FAM193A: variants seen among roughly 807,000 people sequenced by gnomAD.
The protein encoded by FAM193A is family with sequence similarity 193 member A.
A neutral mutation model predicts 126.5 loss-of-function variants in FAM193A; 22 were observed. That is an observed-to-expected ratio of 0.17 (90% CI 0.12 to 0.25). FAM193A has a LOEUF of 0.25. FAM193A is among the 10% of genes least tolerant of loss of function. FAM193A has a pLI of 1.00. For synonymous variants in FAM193A, 761 were observed against 646.8 expected, an observed-to-expected ratio of 1.18 and a Z score of -2.68; for missense variants, 1,675 against 1,672.8, an observed-to-expected ratio of 1.00 and a Z score of -0.02.
At chr4:2,539,451 C>T (rs1481135610) in intron 1 of FAM193A, among the ~76,000 whole-genome samples, 2 of 152,114 alleles carry the variant, frequency 1.3e-5, no homozygotes, top group Non-Finnish European at 2.9e-5. Flanking sequence ...GACACGGTCT[C>T]TCTCTGTTGC....
At chr4:2,730,685 G>A (rs1168865399) in intron 20 of FAM193A, among the ~76,000 whole-genome samples, 8 of 150,026 alleles carry the variant, frequency 5.3e-5, no homozygotes, top group Non-Finnish European at 7.4e-5. Flanking sequence ...GCAAGACTCC[G>A]TGTCAAGAAA....
At chr4:2,593,535 G>A (rs1317102311) in intron 1 of FAM193A, among the ~76,000 whole-genome samples, 2 of 152,124 alleles carry the variant, frequency 1.3e-5, no homozygotes, top group African/African-American at 2.4e-5. Flanking sequence ...TCATGTATTT[G>A]TCTTATTTAT....
chr4:2,539,161 GAA>G (rs1312638782), intron 1 of FAM193A, among the ~76,000 whole-genome samples: 1 of 152,090 alleles, frequency 6.6e-6, no homozygotes, highest in Non-Finnish European at 1.5e-5. Context: ...CAAAGTCCTG[GAA>G]TTACAGGCGT....
At chr4:2,596,517 G>A (rs1316595245) in intron 2 of FAM193A, among the ~76,000 whole-genome samples, 188 bp downstream of exon 2, 2 of 152,258 alleles carry the variant, frequency 1.3e-5, no homozygotes, top group Non-Finnish European at 2.9e-5. Flanking sequence ...TAGGTGGCAG[G>A]ACACCTGCCC....
At chr4:2,712,755 T>C (rs12503560) in intron 19 of FAM193A, among the ~76,000 whole-genome samples, 58,807 of 151,944 alleles carry the variant, frequency 0.39, 12,002 homozygotes, top group Admixed American at 0.56. Context: ...TACTGTTTTG[T>C]TTTTTGGGTT....
At chr4:2,546,306 A>G (rs1268816063) in intron 1 of FAM193A, among the ~76,000 whole-genome samples, 3 of 152,110 alleles carry the variant, frequency 2.0e-5, no homozygotes, top group Non-Finnish European at 4.4e-5. Context: ...TGAATGTTTA[A>G]AATGTGCATT....
At chr4:2,685,809 C>G (rs1715671573) in intron 13 of FAM193A, among the ~76,000 whole-genome samples, 1 of 152,184 alleles carries the variant, frequency 6.6e-6, no homozygotes, top group Non-Finnish European at 1.5e-5. Context: ...CCTGGATAAA[C>G]TCAGTGTGTG....
rs1193476522 is a variant in FAM193A, at chr4:2,657,925, G to A, written c.1389+45G>A. The A allele has an allele frequency of 2.3e-6, 3 of 1,328,316 alleles. No homozygotes were observed. In the African/African-American group the frequency reaches 4.4e-5, roughly 19 times the overall value. 82.3% of individuals were successfully genotyped at this position (1,328,316 alleles called of 1,614,324 possible). A position where few individuals can be genotyped will look rare whatever the true frequency, so the allele number is the denominator to read the frequency against. On this transcript the variant is annotated intron_variant, in intron 8 of 20. Transcript: ENST00000637812. Reference sequence around the variant, plus strand: ...AGGCAATTAAAGGAAGTAGAAATCTGTCCTGACAGCAAATGACTTCTCTGC... The same window carrying A: ...AGGCAATTAAAGGAAGTAGAAATCTATCCTGACAGCAAATGACTTCTCTGC...
intron 19 of FAM193A, among the ~76,000 whole-genome samples, chr4:2,706,683 TTTAG>T (rs143384533): frequency 0.03 from 4,568 of 151,578 alleles, 208 homozygotes; most frequent in African/African-American, 0.1. Flanking sequence ...CATTATTGCA[TTTAG>T]TTAGTTATTT....
chr4:2,554,700 T>C (rs538774220), intron 1 of FAM193A, among the ~76,000 whole-genome samples: 1 of 152,292 alleles, frequency 6.6e-6, no homozygotes, highest in South Asian at 2.1e-4. Context: ...AATTGTAGAT[T>C]TGTTCACTTT....
intron 1 of FAM193A, among the ~76,000 whole-genome samples, chr4:2,572,777 A>T (rs76572350): frequency 7.4e-6 from 1 of 135,932 alleles, no homozygotes; most frequent in African/African-American, 2.7e-5. Context: ...CAGAGGAGGA[A>T]TTTTTTTTTT....
intron 12 of FAM193A, among the ~76,000 whole-genome samples, chr4:2,671,681 G>GACC (rs1296737925): frequency 1.3e-5 from 2 of 152,204 alleles, no homozygotes; most frequent in Non-Finnish European, 2.9e-5. Context: ...AGGAGCCACT[G>GACC]ACCTCTTCAC....
rs186637333 is a variant in FAM193A, at chr4:2,676,711, G to A, written c.2331+4339G>A. ...TAATTCCAGCACTTTGGAAGGCCGA[G>A]GCAGGCGGATCACGAGGTCAGGAGG... On this transcript the variant is annotated intron_variant, in intron 13 of 20. Coordinates refer to ENST00000637812, the MANE Select transcript of FAM193A (RefSeq NM_001366318.2). 8.5e-5 allele frequency among the ~76,000 whole-genome samples: 13 copies of A among 152,266 alleles called. No homozygotes were observed. The East Asian group carries it at 2.1e-3, about 25-fold the overall frequency.
intron 5 of FAM193A, among the ~76,000 whole-genome samples, chr4:2,635,997 C>T (rs972423857): frequency 4.9e-5 from 7 of 141,888 alleles, no homozygotes; most frequent in Non-Finnish European, 9.0e-5. Context: ...GGAAAAAGGA[C>T]GAATTTTTTT....
chr4:2,558,876 C>T (rs1272048216), intron 1 of FAM193A, among the ~76,000 whole-genome samples: 1 of 152,142 alleles, frequency 6.6e-6, no homozygotes, highest in African/African-American at 2.4e-5. Context: ...TGGCATGTAC[C>T]TGTAATTCCA....
chr4:2,584,972 A>G (rs946663021), intron 1 of FAM193A, among the ~76,000 whole-genome samples: 1 of 152,098 alleles, frequency 6.6e-6, no homozygotes, highest in Non-Finnish European at 1.5e-5. Context: ...CCAACACTAT[A>G]GTTTTGCCTG....
intron 1 of FAM193A, among the ~76,000 whole-genome samples, chr4:2,583,986 A>G (rs538374681): frequency 3.9e-5 from 6 of 152,156 alleles, no homozygotes; most frequent in Non-Finnish European, 7.4e-5. Context: ...CAGTTTACCA[A>G]TTTTTTTAAT....
intron 13 of FAM193A, among the ~76,000 whole-genome samples, chr4:2,684,541 C>T (rs772937609): frequency 2.6e-5 from 4 of 151,988 alleles, no homozygotes; most frequent in African/African-American, 7.3e-5. Flanking sequence ...TTTCCTTTTG[C>T]GGATGGAGTA....
At position 2,653,798 on chromosome 4, in the gene FAM193A, C is replaced by T. The variant is rs557409087; in HGVS notation, c.1312-4005C>T. ...GAAGAAACCATGAGAAACAATCTGC[C>T]ACTAATACAATTGAGGGAAATTGAG... On this transcript the variant is annotated intron_variant, in intron 7 of 20. Coordinates refer to ENST00000637812, the MANE Select transcript of FAM193A (RefSeq NM_001366318.2). 6.6e-5 allele frequency among the ~76,000 whole-genome samples: 10 copies of T among 152,278 alleles called. No individual in the cohort carries two copies. The South Asian group carries it at 2.1e-3, about 32-fold the overall frequency.
Sources: allele counts gnomAD v4.1 joint callset (sites outside exome capture counted in the v4.1 genomes callset), GRCh38; gene constraint gnomAD v4.1.1; transcripts MANE v1.5; gene names NCBI Gene and HGNC (gene_info 2026-07-23, HGNC 2026-07-21).